MYH3: variants seen among roughly 807,000 people sequenced by gnomAD.
MYH3 encodes the protein myosin heavy chain 3, also known as myosin-3.
Under a neutral mutation model 238.0 loss-of-function variants are expected in MYH3, and 130 were observed. That is an observed-to-expected ratio of 0.55 (90% CI 0.47 to 0.63). The LOEUF is 0.63. MYH3 is among the 30% of genes least tolerant of loss of function. The pLI, the probability that MYH3 is intolerant of heterozygous loss-of-function variation, is 0.00. For synonymous variants in MYH3, 880 were observed against 924.1 expected, an observed-to-expected ratio of 0.95 and a Z score of 0.86; for missense variants, 1,853 against 2,374.9, an observed-to-expected ratio of 0.78 and a Z score of 4.57.
chr17:10,663,881 G>A, the MYH3 span, among the ~76,000 whole-genome samples: 1 of 151,908 alleles, frequency 6.6e-6, no homozygotes, highest in Non-Finnish European at 1.5e-5. Context: ...TGACCAACAT[G>A]GTGAAATGCC....
At chr17:10,649,947 T>A (rs8067108) in intron 6 of MYH3, among the ~76,000 whole-genome samples, 1 of 152,114 alleles carries the variant, frequency 6.6e-6, no homozygotes, top group Admixed American at 6.6e-5. Flanking sequence ...TCGATCTTTT[T>A]ATTTTTTATT....
chr17:10,629,643 T>C lies in MYH3; in HGVS notation c.5750A>G (p.Gln1917Arg). The C allele has an allele frequency of 6.2e-7, 1 of 1,613,688 alleles. No homozygotes were observed. The highest frequency in any genetic ancestry group is 8.5e-7 in the Non-Finnish European group (1 of 1,179,596). ...AEERADIAES[Q>R]VNKLRAKTRD... is the part of the protein sequence containing the mutation. ...AGTCTTAGCGCGGAGCTTGTTGACT[T>C]GAGATTCTGCGATATCCGCACGTTC... Residue 1917 changes from glutamine to arginine, a missense_variant, in exon 40 of 41, where the codon CAA (glutamine) becomes CGA (arginine). Gln to Arg is a conservative substitution (Grantham distance 43). Coordinates refer to ENST00000583535, the MANE Select transcript of MYH3 (RefSeq NM_002470.4).
chr17:10,633,856 G>C, intron 32 of MYH3, 141 bp from the exon 33 acceptor site: 1 of 1,481,924 alleles, frequency 6.7e-7, no homozygotes, highest in South Asian at 1.1e-5. Flanking sequence ...ATTGTACAGA[G>C]AGAGGCTAAA....
chr17:10,634,901 T>C lies in MYH3; in HGVS notation c.4295A>G (p.Asp1432Gly). ...LQGEVEDLMV[D>G]VERANSLAAA... ...GGCCAAGGAATTGGCTCTTTCAACATCAACCATCAGATCCTCCACCTCTCC... is the reference window on the plus strand; with the variant it reads ...GGCCAAGGAATTGGCTCTTTCAACACCAACCATCAGATCCTCCACCTCTCC... Residue 1432 changes from aspartate to glycine, a missense_variant, in exon 31 of 41, where the codon GAT (aspartate) becomes GGT (glycine). Coordinates refer to ENST00000583535, the MANE Select transcript of MYH3 (RefSeq NM_002470.4). 1 of 1,614,158 alleles carries C rather than the reference T, an allele frequency of 6.2e-7. No individual in the cohort carries two copies. The highest frequency in any genetic ancestry group is 8.5e-7 in the Non-Finnish European group (1 of 1,180,032).
Position 10,640,262 on chromosome 17 carries a change from G to C in MYH3, c.2427-11C>G. 1.9e-6 allele frequency: 3 copies of C among 1,614,192 alleles called. No homozygotes were observed. The highest frequency in any genetic ancestry group is 1.6e-4 in the Middle Eastern group (1 of 6,062). Reference sequence around the variant, plus strand: ...CAGAAGATGGACTCCCTAAAAACAAGACATTGCTTATTTCTGAGAGAGACT... The same window carrying C: ...CAGAAGATGGACTCCCTAAAAACAACACATTGCTTATTTCTGAGAGAGACT... On this transcript the variant is annotated splice_polypyrimidine_tract_variant and intron_variant, in intron 21 of 40. Transcript: ENST00000583535.
chr17:10,628,738 C>G, intron 40 of MYH3, 59 bp from the exon 41 acceptor site: 1 of 1,576,290 alleles, frequency 6.3e-7, no homozygotes, highest in South Asian at 1.1e-5. Flanking sequence ...TTCCCACCCA[C>G]CACTTCTGCC....
rs775785344 is a variant in MYH3 at position 10,639,093 on chromosome 17, T to A, written c.3199A>T (p.Ile1067Leu). 6.2e-7 allele frequency: 1 copy of A among 1,614,240 alleles called. No individual in the cohort carries two copies. The highest frequency in any genetic ancestry group is 8.5e-7 in the Non-Finnish European group (1 of 1,180,032). Reference sequence around the variant, plus strand: ...TGCTTGTCATTCTCCAGATCTAATATGGACTCTTGAGCAAGCTTCAAGTCT... The same window carrying A: ...TGCTTGTCATTCTCCAGATCTAATAAGGACTCTTGAGCAAGCTTCAAGTCT... ...EGDLKLAQES[I>L]LDLENDKQQL... Residue 1067 changes from isoleucine to leucine, a missense_variant, in exon 25 of 41, where the codon ATA becomes TTA. Physicochemically the swap from Ile to Leu is conservative, Grantham distance 5. Around this residue, in one of 3 missense-constraint regions of MYH3, gnomAD observed 1,044 missense variants for 1,192.6 expected, o/e 0.88. Transcript: ENST00000583535.
chr17:10,635,198 G>T (rs2074201664), intron 30 of MYH3, among the ~76,000 whole-genome samples, 169 bp downstream of exon 30: 1 of 152,118 alleles, frequency 6.6e-6, no homozygotes, highest in African/African-American at 2.4e-5. Flanking sequence ...CCTTGTGTCT[G>T]ACCAAGATCA....
At chr17:10,647,341 G>A (rs377152637) in intron 9 of MYH3, 22 bp downstream of exon 9, 110 of 1,614,002 alleles carry the variant, frequency 6.8e-5, no homozygotes, top group East Asian at 8.9e-5. Flanking sequence ...AGACGCCATC[G>A]AATCCCCATG....
At chr17:10,633,484 G>A (rs772870311) in intron 33 of MYH3, 107 bp downstream of exon 33, 27 of 1,440,238 alleles carry the variant, frequency 1.9e-5, no homozygotes, top group Admixed American at 1.2e-4. Context: ...CATTAGGACT[G>A]TGATTTGACA....
rs377515183 is a variant in MYH3 at position 10,652,414 on chromosome 17, G to A, written c.348+6C>T. The A allele has an allele frequency of 2.9e-5, 47 of 1,613,704 alleles. No individual in the cohort carries two copies. The African/African-American group carries it at 3.7e-4, about 13-fold the overall frequency. On this transcript the variant is annotated splice_donor_region_variant and intron_variant, in intron 4 of 40. Transcript: ENST00000583535. Reference sequence around the variant, plus strand: ...CAGGGAAACCACGTCGAAAGCCCTCGCTGACATAGATCATCCAAGATGTGT... The same window carrying A: ...CAGGGAAACCACGTCGAAAGCCCTCACTGACATAGATCATCCAAGATGTGT...
intron 17 of MYH3, among the ~76,000 whole-genome samples, chr17:10,641,980 T>C (rs1411886651): frequency 6.6e-6 from 1 of 152,216 alleles, no homozygotes; most frequent in African/African-American, 2.4e-5. Context: ...TGGTGTCCTT[T>C]AGGAAAATTG....
At position 10,630,381 on chromosome 17, in the gene MYH3, T is replaced by C. The variant is rs750447162; in HGVS notation, c.5364A>G (p.Glu1788=). 15 of 1,614,172 alleles carry C rather than the reference T, an allele frequency of 9.3e-6. No homozygotes were observed. Among genetic ancestry groups the C allele is most frequent in the East Asian group, 6.7e-5 (3 of 44,868 alleles). ...GATGCTGCAGGTCCTTCACCGTCTGTTCCAGGTTCTTCTTCATCCGCTCAA... is the reference window on the plus strand; with the variant it reads ...GATGCTGCAGGTCCTTCACCGTCTGCTCCAGGTTCTTCTTCATCCGCTCAA... ...AHLERMKKNL[E]QTVKDLQHRL... The change falls in exon 37 of 41, where the codon GAA becomes GAG. Residue 1788 remains glutamate (E), a synonymous_variant. Coordinates refer to ENST00000583535, the MANE Select transcript of MYH3 (RefSeq NM_002470.4).
At chr17:10,674,513 C>A in the MYH3 span, 1 of 239,952 alleles carries the variant, frequency 4.2e-6, no homozygotes, top group Non-Finnish European at 8.3e-6. Flanking sequence ...CTGCTAAGTA[C>A]CCCAGTGGTG....
rs753393268 is a variant in MYH3 at position 10,635,735 on chromosome 17, C to T, written c.3975G>A (p.Lys1325=). The change falls in exon 29 of 41, where the codon AAG becomes AAA. Residue 1325 remains lysine (K), a splice_region_variant and synonymous_variant. Transcript: ENST00000583535. ...AAGAAGTCTTCCTTCAATGGTGTAC[C>T]TTGTTCTCTTCCTCCAGCTGCCTCT... ...ELKRQLEEEN[K]AKNALAHALQ... The T allele has an allele frequency of 6.2e-7, 1 of 1,613,754 alleles. No homozygotes were observed. The highest frequency in any genetic ancestry group is 8.5e-7 in the Non-Finnish European group (1 of 1,179,672).
Position 10,642,412 on chromosome 17 carries a change from C to T in MYH3, c.1888+5G>A, listed in dbSNP as rs767117987. On this transcript the variant is annotated splice_donor_5th_base_variant and intron_variant, in intron 16 of 40. Transcript: ENST00000583535. This position sits in a 1 kb window ranked among gnomAD's most constrained non-coding sequence, Gnocchi z 5.4. Reference sequence around the variant, plus strand: ...AATCACATGGACACAAAGCACTCCTCTTACCATCCGCCGTGGCAAACGTGG... The same window carrying T: ...AATCACATGGACACAAAGCACTCCTTTTACCATCCGCCGTGGCAAACGTGG... 1.9e-6 allele frequency: 3 copies of T among 1,614,194 alleles called. No homozygotes were observed. The East Asian group carries it at 6.7e-5, about 36-fold the overall frequency.
chr17:10,640,255 A>T lies in MYH3; in HGVS notation c.2427-4T>A, dbSNP rs2074257664. On this transcript the variant is annotated splice_region_variant and splice_polypyrimidine_tract_variant and intron_variant, in intron 21 of 40. Coordinates refer to ENST00000583535, the MANE Select transcript of MYH3 (RefSeq NM_002470.4). Reference sequence around the variant, plus strand: ...CTGGATGCAGAAGATGGACTCCCTAAAAACAAGACATTGCTTATTTCTGAG... The same window carrying T: ...CTGGATGCAGAAGATGGACTCCCTATAAACAAGACATTGCTTATTTCTGAG... The T allele has an allele frequency of 1.2e-6, 2 of 1,614,212 alleles. No individual in the cohort carries two copies. Among genetic ancestry groups the T allele is most frequent in the East Asian group, 4.5e-5 (2 of 44,882 alleles).
Position 10,633,664 on chromosome 17 carries a change from T to C in MYH3, c.4574A>G (p.His1525Arg), listed in dbSNP as rs557870001. Residue 1525 changes from histidine (H) to arginine (R), a missense_variant, in exon 33 of 41, where the codon CAT becomes CGT. Coordinates refer to ENST00000583535, the MANE Select transcript of MYH3 (RefSeq NM_002470.4). ...CTGCTTTCTTGATTTCTCCAGTTCA[T>C]GGATGGTTTTGCCATTTTCAGCAAT... ...EQIAENGKTI[H>R]ELEKSRKQIE... is the part of the protein sequence containing the mutation. 27 of 1,614,054 alleles carry C rather than the reference T, an allele frequency of 1.7e-5. No homozygotes were observed. In the African/African-American group the frequency reaches 3.5e-4, roughly 21 times the overall value.
chr17:10,644,613 A>G lies in MYH3; in HGVS notation c.1231T>C (p.Tyr411His). Residue 411 changes from tyrosine to histidine, a missense_variant, in exon 13 of 41, where the codon TAC becomes CAC. By Grantham distance (83) the Tyr-to-His change is moderately conservative. Coordinates refer to ENST00000583535, the MANE Select transcript of MYH3 (RefSeq NM_002470.4). The part of the protein sequence containing the change: ...CFPRVKVGNE[Y>H]VTKGQTVDQV... ...TCCACAGTTTGACCTTTGGTAACGTACTCATTCCCAACTTTCACTCTAGGA... is the reference window on the plus strand; with the variant it reads ...TCCACAGTTTGACCTTTGGTAACGTGCTCATTCCCAACTTTCACTCTAGGA... 1 of 1,614,102 alleles carries G rather than the reference A, an allele frequency of 6.2e-7. No homozygotes were observed. Among genetic ancestry groups the G allele is most frequent in the Non-Finnish European group, 8.5e-7 (1 of 1,179,968 alleles).
Sources: gnomAD v4.1 joint callset for allele counts (sites outside exome capture counted in the v4.1 genomes callset) on GRCh38, gnomAD v4.1.1 for gene constraint, gnomAD v4.1.1 regional missense constraint, Gnocchi (gnomAD v3.1) non-coding constraint, MANE v1.5 for transcripts, NCBI Gene and HGNC (gene_info 2026-07-23, HGNC 2026-07-21) for gene names.